DLGAP2: variants seen among roughly 807,000 people sequenced by gnomAD.
DLGAP2 encodes the protein DLG associated protein 2.
A neutral mutation model predicts 100.3 loss-of-function variants in DLGAP2; 26 were observed. The ratio of observed to expected loss-of-function variants is 0.26; its 90% CI spans 0.19 to 0.36. The LOEUF (loss-of-function observed/expected upper bound fraction) is 0.36. Among genes scored for constraint, DLGAP2 ranks in the 10% least tolerant of loss-of-function variants. The probability of loss-of-function intolerance (pLI) is 1.00; values close to 1 mark genes in which losing one functional copy is unlikely to be tolerated. For missense variants in DLGAP2, 1,858 were observed against 1,453.2 expected (o/e 1.28, Z -4.53); for synonymous variants, 886 against 630.1 (o/e 1.41, Z -6.08).
chr8:1,216,180 C>G (rs1198237549), intron 2 of DLGAP2, among the ~76,000 whole-genome samples: 1 of 152,194 alleles, frequency 6.6e-6, no homozygotes, highest in Non-Finnish European at 1.5e-5. Flanking sequence ...CTGCAGGGGA[C>G]TAATAGCTGC....
chr8:1,386,266 G>A (rs970511616), intron 3 of DLGAP2, among the ~76,000 whole-genome samples: 5 of 152,086 alleles, frequency 3.3e-5, no homozygotes, highest in African/African-American at 1.2e-4. Context: ...ACCAATTCTA[G>A]AAAAATCACC....
chr8:1,002,084 T>C (rs1213914678), intron 2 of DLGAP2: 1 of 152,220 alleles, frequency 6.6e-6, no homozygotes, highest in African/African-American at 2.4e-5. Context: ...CCTGCTTAAA[T>C]GAACGATGAT....
chr8:1,592,644 T>C (rs1011138694), intron 6 of DLGAP2, among the ~76,000 whole-genome samples: 7 of 152,166 alleles, frequency 4.6e-5, no homozygotes, highest in African/African-American at 1.2e-4. Context: ...AAATTTTCCA[T>C]TGGGAGAATT....
intron 3 of DLGAP2, among the ~76,000 whole-genome samples, chr8:1,438,937 A>G (rs1462606283): frequency 1.3e-5 from 2 of 152,256 alleles, no homozygotes; most frequent in African/African-American, 4.8e-5. Flanking sequence ...ATTGTGAAGC[A>G]TGAAAATAGG....
intron 2 of DLGAP2, among the ~76,000 whole-genome samples, chr8:1,156,689 CCAGCT>C (rs1253069489): frequency 6.6e-6 from 1 of 152,068 alleles, no homozygotes. Context: ...GCCCAGCACC[CCAGCT>C]CAGCAACCCG....
chr8:816,732 G>A (rs1563047112), intron 1 of DLGAP2, among the ~76,000 whole-genome samples: 1 of 152,158 alleles, frequency 6.6e-6, no homozygotes, highest in Non-Finnish European at 1.5e-5. Flanking sequence ...TTTCCTGGGT[G>A]TTCTTTGAGA....
chr8:1,025,290 C>G (rs928280007), intron 2 of DLGAP2, among the ~76,000 whole-genome samples: 4 of 152,178 alleles, frequency 2.6e-5, no homozygotes, highest in Admixed American at 6.5e-5. Flanking sequence ...GATCCCCGAT[C>G]CTGAATCCAA....
chr8:1,271,017 A>C (rs1203733910), intron 3 of DLGAP2, among the ~76,000 whole-genome samples: 3 of 152,162 alleles, frequency 2.0e-5, no homozygotes, highest in Non-Finnish European at 4.4e-5. Flanking sequence ...CAGAATTGTA[A>C]TGACGGATGA....
chr8:890,924 G>A (rs1475059847), intron 1 of DLGAP2, among the ~76,000 whole-genome samples: 2 of 151,950 alleles, frequency 1.3e-5, no homozygotes, highest in South Asian at 2.1e-4. Context: ...TGACCTTCCC[G>A]CCCACCCGGC....
chr8:914,685 G>A (rs916500299), intron 2 of DLGAP2, among the ~76,000 whole-genome samples: 1 of 152,234 alleles, frequency 6.6e-6, no homozygotes, highest in Non-Finnish European at 1.5e-5. Flanking sequence ...GTTAATGTAC[G>A]TATTTATCTA....
rs1476280293 is a variant in DLGAP2 at position 1,388,706 on chromosome 8, A to T, written c.107-112660A>T. Among the ~76,000 whole-genome samples, 6 of 88,910 alleles carry T rather than the reference A, an allele frequency of 6.7e-5. 2 individuals carry two copies. 58.3% of individuals were successfully genotyped at this position (88,910 alleles called of 152,430 possible). The stretch of plus-strand genomic sequence containing the variant: ...TTCAGGTGTCAGGGCTGTAAGAGGC[A>T]GAGGCCGTGGATGAGGAGGCGCTGG... On this transcript the variant is annotated intron_variant, in intron 3 of 14. Coordinates refer to ENST00000637795, the MANE Select transcript of DLGAP2 (RefSeq NM_001346810.2).
chr8:1,094,616 T>A (rs1307503411), intron 2 of DLGAP2, among the ~76,000 whole-genome samples: 1 of 152,244 alleles, frequency 6.6e-6, no homozygotes, highest in Non-Finnish European at 1.5e-5. Context: ...ATTCCTCGGC[T>A]CATCACAATA....
At chr8:1,286,821 G>C (rs985651984) in intron 3 of DLGAP2, among the ~76,000 whole-genome samples, 3 of 152,242 alleles carry the variant, frequency 2.0e-5, no homozygotes, top group Admixed American at 6.5e-5. Flanking sequence ...GGAAGGATTA[G>C]AGTTGTTAGG....
chr8:1,369,575 TG>T lies in DLGAP2; in HGVS notation c.106+110693del, dbSNP rs1802189024. ...TTTGGCCTCCAGTGTAAATTCTCGA[TG>T]TGCCTGTATCTTACAGGACGTCCCA... On this transcript the variant is annotated intron_variant, in intron 3 of 14. Transcript: ENST00000637795. 2.0e-5 allele frequency: 3 copies of T among 152,368 alleles called. No individual in the cohort carries two copies. The East Asian group carries it at 5.8e-4, about 29-fold the overall frequency. The allele number at this position is 152,368 out of a possible 1,614,324, so 9.4% of individuals were successfully genotyped here.
rs1269160355 is a variant in DLGAP2, at chr8:1,119,184, T to C, written c.74-139667T>C. Among the ~76,000 whole-genome samples the C allele has an allele frequency of 2.0e-5, 3 of 152,266 alleles. No individual in the cohort carries two copies. In the East Asian group the frequency reaches 5.8e-4, roughly 29 times the overall value. ...CTGAGATGGCATAAATGCCACATCC[T>C]TCCCGCACTTAAGGCATGCAATTTG... On this transcript the variant is annotated intron_variant, in intron 2 of 14. Coordinates refer to ENST00000637795, the MANE Select transcript of DLGAP2 (RefSeq NM_001346810.2).
intron 2 of DLGAP2, among the ~76,000 whole-genome samples, chr8:1,091,445 C>G (rs981480678): frequency 1.3e-4 from 20 of 152,232 alleles, no homozygotes; most frequent in Non-Finnish European, 8.8e-5. Context: ...AAAACATCTA[C>G]TTAATAAAGT....
intron 3 of DLGAP2, among the ~76,000 whole-genome samples, chr8:1,452,230 C>A (rs996133252): frequency 6.6e-6 from 1 of 152,148 alleles, no homozygotes. Flanking sequence ...GCTGGGTGTT[C>A]TGTGGCTGCG....
At chr8:1,672,583 C>A (rs1024968158) in intron 10 of DLGAP2, among the ~76,000 whole-genome samples, 3 of 152,180 alleles carry the variant, frequency 2.0e-5, no homozygotes, top group African/African-American at 7.2e-5. Flanking sequence ...GCAGGGGCAG[C>A]CTGGAAAAGA....
intron 8 of DLGAP2, among the ~76,000 whole-genome samples, chr8:1,634,968 G>A (rs1797733818): frequency 6.6e-6 from 1 of 152,158 alleles, no homozygotes; most frequent in African/African-American, 2.4e-5. Context: ...GCCCAGTTTT[G>A]AGTCAGAATT....
Sources: allele counts gnomAD v4.1 joint callset (sites outside exome capture counted in the v4.1 genomes callset), GRCh38; gene constraint gnomAD v4.1.1; transcripts MANE v1.5; gene names NCBI Gene and HGNC (gene_info 2026-07-23, HGNC 2026-07-21).